The following SPEF2 variants were observed in gnomAD, a reference collection of about 807,000 sequenced individuals.
SPEF2 encodes the protein sperm flagella and cilia-associated protein 2.
Under a neutral mutation model 224.6 loss-of-function variants are expected in SPEF2, and 187 were observed. The observed-to-expected ratio is 0.83, with a 90% confidence interval of 0.74 to 0.94. SPEF2 has a LOEUF of 0.94. Among genes scored for constraint, SPEF2 ranks in the 40% least tolerant of loss-of-function variants. SPEF2 has a pLI of 0.00. For missense variants in SPEF2, 2,170 were observed against 2,135.6 expected (o/e 1.02, Z -0.32); for synonymous variants, 715 against 707.3 (o/e 1.01, Z -0.17).
rs986380164 is a variant in SPEF2 at position 35,628,982 on chromosome 5, T to C, written c.161+420T>C. Reference sequence around the variant, plus strand: ...GAATCATAAGATCCCTTCCAAACCTTGAACACCCAAGCAGACCATTGATAT... The same window carrying C: ...GAATCATAAGATCCCTTCCAAACCTCGAACACCCAAGCAGACCATTGATAT... On this transcript the variant is annotated intron_variant, in intron 2 of 36. Transcript: ENST00000356031. Among the ~76,000 whole-genome samples the C allele has an allele frequency of 3.9e-5, 6 of 152,184 alleles. 1 individual carries two copies.
intron 10 of SPEF2, among the ~76,000 whole-genome samples, chr5:35,685,176 G>T (rs980525437): frequency 6.6e-6 from 1 of 152,034 alleles, no homozygotes; most frequent in Non-Finnish European, 1.5e-5. Context: ...TATAGAAGTG[G>T]CAGTCAAATA....
At chr5:35,807,050 C>G in intron 35 of SPEF2, 81 bp from the exon 36 acceptor site, 1 of 1,560,948 alleles carries the variant, frequency 6.4e-7, no homozygotes, top group South Asian at 1.2e-5. Context: ...TATACAGAAT[C>G]TCTTTAGTAA....
chr5:35,711,419 C>G (rs1741104994), intron 19 of SPEF2, among the ~76,000 whole-genome samples: 1 of 151,868 alleles, frequency 6.6e-6, no homozygotes, highest in South Asian at 2.1e-4. Flanking sequence ...TTCCATTATA[C>G]TTGGGATTAA....
At chr5:35,743,637 A>C (rs1167077811) in intron 23 of SPEF2, among the ~76,000 whole-genome samples, 4 of 152,138 alleles carry the variant, frequency 2.6e-5, no homozygotes, top group African/African-American at 9.7e-5. Flanking sequence ...TCCTTGTATC[A>C]CATTTATTTT....
intron 36 of SPEF2, among the ~76,000 whole-genome samples, chr5:35,813,084 T>C (rs557072576): frequency 6.6e-6 from 1 of 152,376 alleles, no homozygotes; most frequent in Non-Finnish European, 1.5e-5. Flanking sequence ...CCCCTTGCTA[T>C]GGAGTGTCAG....
chr5:35,701,393 A>G (rs577939578), intron 16 of SPEF2, among the ~76,000 whole-genome samples: 77 of 152,312 alleles, frequency 5.1e-4, no homozygotes, highest in African/African-American at 1.6e-3. Context: ...AACCTATATG[A>G]TAACATGGCT....
intron 24 of SPEF2, among the ~76,000 whole-genome samples, chr5:35,758,759 A>C (rs1457876326): frequency 6.6e-6 from 1 of 152,166 alleles, no homozygotes; most frequent in African/African-American, 2.4e-5. Flanking sequence ...TAATCCCAGC[A>C]CTTTGGGAGG....
At chr5:35,759,449 C>G in intron 24 of SPEF2, 119 bp from the exon 25 acceptor site, 1 of 914,106 alleles carries the variant, frequency 1.1e-6, no homozygotes, top group Non-Finnish European at 1.5e-6. Flanking sequence ...TTCTTATTTC[C>G]AGAAAATTAT....
intron 23 of SPEF2, among the ~76,000 whole-genome samples, chr5:35,740,951 C>G (rs188374783): frequency 1.9e-4 from 29 of 152,268 alleles, no homozygotes; most frequent in Non-Finnish European, 2.4e-4. Context: ...AGATTACTAA[C>G]AGTCAAAACT....
At chr5:35,732,433 C>T (rs1207655934) in intron 21 of SPEF2, among the ~76,000 whole-genome samples, 2 of 152,072 alleles carry the variant, frequency 1.3e-5, no homozygotes, top group East Asian at 3.9e-4. Context: ...TTATGACAAA[C>T]TAGAAACCAG....
intron 22 of SPEF2, 33 bp downstream of exon 22, chr5:35,740,079 GT>G (rs781383544): frequency 2.6e-4 from 426 of 1,613,976 alleles, no homozygotes; most frequent in Non-Finnish European, 3.1e-4. Context: ...GAATTTTACA[GT>G]TTAGAGGCAT....
intron 11 of SPEF2, among the ~76,000 whole-genome samples, chr5:35,692,005 G>C (rs931697494): frequency 2.7e-5 from 4 of 150,466 alleles, no homozygotes; most frequent in Admixed American, 1.3e-4. Flanking sequence ...TCACCATGTT[G>C]GCCAGGATGG....
chr5:35,789,882 T>A (rs1483505475), intron 30 of SPEF2: 2 of 702,910 alleles, frequency 2.8e-6, no homozygotes, highest in African/African-American at 3.5e-5. Context: ...CTTAGTGAAG[T>A]GGATACTGAA....
intron 8 of SPEF2, among the ~76,000 whole-genome samples, chr5:35,666,153 C>G (rs1389017992): frequency 6.6e-6 from 1 of 152,072 alleles, no homozygotes; most frequent in African/African-American, 2.4e-5. Flanking sequence ...GGCTTGAACT[C>G]GACCATAGCT....
chr5:35,618,038 A>G lies in SPEF2; in HGVS notation c.41A>G (p.Lys14Arg), dbSNP rs754314684. ...ILCQWLNKEL[K>R]VSRTVSPKSF... ...TGCCAGTGGCTCAACAAGGAGTTGA[A>G]GGTGTCCCGGACCGTGAGTGAGTGA... is the stretch of plus-strand genomic sequence containing the variant. Residue 14 changes from lysine (K) to arginine (R), a missense_variant, in exon 1 of 37, where the codon AAG becomes AGG. Transcript: ENST00000356031. The G allele has an allele frequency of 6.3e-7, 1 of 1,586,746 alleles. No homozygotes were observed. The highest frequency in any genetic ancestry group is 1.7e-5 in the Admixed American group (1 of 57,910).
chr5:35,734,713 T>C (rs965675200), intron 21 of SPEF2, among the ~76,000 whole-genome samples: 19 of 144,170 alleles, frequency 1.3e-4, no homozygotes, highest in East Asian at 6.0e-4. Context: ...TTTTTTCTTT[T>C]TTTTTTTTTT....
At chr5:35,809,146 G>T in intron 36 of SPEF2, among the ~76,000 whole-genome samples, 1 of 152,050 alleles carries the variant, frequency 6.6e-6, no homozygotes, top group East Asian at 1.9e-4. Flanking sequence ...ACTTGGCATG[G>T]TATCTGACAC....
In SPEF2 at chr5:35,801,889, G is replaced by A. The variant is rs372941659; in HGVS notation, c.5010+1742G>A. Among the ~76,000 whole-genome samples, 1,043 of 152,282 alleles carry A rather than the reference G, an allele frequency of 6.8e-3. 14 individuals carry two copies. Among genetic ancestry groups the A allele is most frequent in the African/African-American group, 0.024 (995 of 41,546 alleles). On this transcript the variant is annotated intron_variant, in intron 34 of 36. Coordinates refer to ENST00000356031, the MANE Select transcript of SPEF2 (RefSeq NM_024867.4). ...TTTGTTCTGCATCCCTGAAGTTGAGGCAAGGCCTGGTACAGAGCTCAGTAA... is the reference window on the plus strand; with the variant it reads ...TTTGTTCTGCATCCCTGAAGTTGAGACAAGGCCTGGTACAGAGCTCAGTAA...
chr5:35,718,271 T>C (rs1363001437), intron 20 of SPEF2, among the ~76,000 whole-genome samples: 2 of 152,024 alleles, frequency 1.3e-5, no homozygotes, highest in Non-Finnish European at 2.9e-5. Flanking sequence ...CTCTTTCAAG[T>C]TTGGAGGATG....
Sources: allele counts gnomAD v4.1 joint callset (sites outside exome capture counted in the v4.1 genomes callset), GRCh38; gene constraint gnomAD v4.1.1; transcripts MANE v1.5; gene names NCBI Gene and HGNC (gene_info 2026-07-23, HGNC 2026-07-21).